Variants in PCDHA12 observed in about 807,000 individuals in gnomAD.
PCDHA12 encodes protocadherin alpha-12.
In PCDHA12, 44 loss-of-function variants were observed where a neutral mutation model predicts 60.0. That is an observed-to-expected ratio of 0.73 (90% CI 0.58 to 0.94). The LOEUF is 0.94. PCDHA12 is among the 40% of genes least tolerant of loss of function. The pLI, the probability that PCDHA12 is intolerant of heterozygous loss-of-function variation, is 0.00. For synonymous variants in PCDHA12, 569 were observed against 553.0 expected (o/e 1.03, Z -0.40); for missense variants, 1,276 against 1,239.7 (o/e 1.03, Z -0.44).
chr5:140,905,047 C>A (rs2071568223), intron 1 of PCDHA12, among the ~76,000 whole-genome samples: 1 of 152,076 alleles, frequency 6.6e-6, no homozygotes, highest in Non-Finnish European at 1.5e-5. Context: ...TTAATTAGGT[C>A]CCATTTATTT....
At chr5:140,943,277 AG>A (rs199866143) in intron 1 of PCDHA12, among the ~76,000 whole-genome samples, 16,429 of 127,604 alleles carry the variant, frequency 0.13, 1,638 homozygotes, top group African/African-American at 0.18. Flanking sequence ...AAAAAAAAAA[AG>A]AAAGAAAGAA....
chr5:140,938,485 T>C (rs2092087482), intron 1 of PCDHA12, among the ~76,000 whole-genome samples: 2 of 152,170 alleles, frequency 1.3e-5, no homozygotes, highest in African/African-American at 4.8e-5. Context: ...TTAAAAATCA[T>C]GAATAGGCAT....
intron 1 of PCDHA12, among the ~76,000 whole-genome samples, chr5:140,933,543 A>C (rs888580290): frequency 6.6e-6 from 1 of 152,092 alleles, no homozygotes; most frequent in Non-Finnish European, 1.5e-5. Flanking sequence ...AATAATGTTA[A>C]TATAAAATAA....
chr5:140,888,088 C>G (rs941828532), intron 1 of PCDHA12, among the ~76,000 whole-genome samples: 3 of 151,906 alleles, frequency 2.0e-5, no homozygotes, highest in African/African-American at 4.8e-5. Flanking sequence ...ACATTTTTGT[C>G]CTTAGTTTGC....
chr5:140,985,021 T>A (rs2097132867), intron 3 of PCDHA12, among the ~76,000 whole-genome samples: 1 of 151,956 alleles, frequency 6.6e-6, no homozygotes, highest in African/African-American at 2.4e-5. Flanking sequence ...CACAGCAACC[T>A]CTGCCTCCTG....
At chr5:140,907,915 C>T (rs1554193177) in intron 1 of PCDHA12, among the ~76,000 whole-genome samples, 1 of 152,234 alleles carries the variant, frequency 6.6e-6, no homozygotes, top group Admixed American at 6.5e-5. Context: ...TTTGACCACT[C>T]AGAGAGGTCC....
chr5:140,902,488 G>T (rs1357036471), intron 1 of PCDHA12, among the ~76,000 whole-genome samples: 2 of 152,096 alleles, frequency 1.3e-5, no homozygotes, highest in African/African-American at 4.8e-5. Context: ...TGCTCAGTAT[G>T]ATACTAGCTG....
At chr5:140,901,022 A>G (rs2068415143) in intron 1 of PCDHA12, among the ~76,000 whole-genome samples, 1 of 152,166 alleles carries the variant, frequency 6.6e-6, no homozygotes, top group Non-Finnish European at 1.5e-5. Flanking sequence ...AGAAACATCT[A>G]TTCAACTCTT....
chr5:140,898,506 G>A (rs1185053384), intron 1 of PCDHA12, among the ~76,000 whole-genome samples: 2 of 152,132 alleles, frequency 1.3e-5, no homozygotes, highest in Admixed American at 1.3e-4. Context: ...TTGTAGATAT[G>A]CGGCGTTATT....
chr5:140,945,346 A>C (rs2093775452), intron 1 of PCDHA12, among the ~76,000 whole-genome samples: 1 of 152,132 alleles, frequency 6.6e-6, no homozygotes, highest in South Asian at 2.1e-4. Context: ...AGCTTGGAAA[A>C]ATTAATACTG....
intron 1 of PCDHA12, among the ~76,000 whole-genome samples, chr5:140,956,131 C>A (rs2095258276): frequency 6.6e-6 from 1 of 152,096 alleles, no homozygotes; most frequent in African/African-American, 2.4e-5. Flanking sequence ...TATTTGAATA[C>A]CCTTTATTTC....
Position 140,946,631 on chromosome 5 carries a change from T to TATATATATATATATATATATATACAC in PCDHA12, c.2368-32317_2368-32316insTATATATATATATATATATATACACA, listed in dbSNP as rs57893927. Among the ~76,000 whole-genome samples, 213 of 131,752 alleles carry TATATATATATATATATATATATACAC rather than the reference T, an allele frequency of 1.6e-3. 5 individuals carry two copies. The highest frequency in any genetic ancestry group is 6.6e-3 in the African/African-American group (188 of 28,632). The allele number at this position is 131,752 out of a possible 152,430, so 86.4% of individuals were successfully genotyped here. A position where few individuals can be genotyped will look rare whatever the true frequency, so the allele number is the denominator to read the frequency against. Reference sequence around the variant, plus strand: ...TGTGAAATATATATATATATATATATACAATGGAATACTCATCAGCCATTA... The same window carrying TATATATATATATATATATATATACAC: ...TGTGAAATATATATATATATATATATATATATATATATATATATATATACACACAATGGAATACTCATCAGCCATTA... On this transcript the variant is annotated intron_variant, in intron 1 of 3. Transcript: ENST00000398631.
intron 3 of PCDHA12, among the ~76,000 whole-genome samples, chr5:140,997,797 C>A (rs2097786104): frequency 6.6e-6 from 1 of 151,944 alleles, no homozygotes; most frequent in Non-Finnish European, 1.5e-5. Context: ...TATAATTTAT[C>A]CAATTTGCTG....
chr5:140,889,434 G>T (rs1349291699), intron 1 of PCDHA12, among the ~76,000 whole-genome samples: 1 of 151,774 alleles, frequency 6.6e-6, no homozygotes, highest in African/African-American at 2.4e-5. Context: ...ATTTTTTCAG[G>T]TATTTTCCTG....
At chr5:140,896,148 G>A (rs1185038418) in intron 1 of PCDHA12, among the ~76,000 whole-genome samples, 1 of 152,162 alleles carries the variant, frequency 6.6e-6, no homozygotes, top group Non-Finnish European at 1.5e-5. Flanking sequence ...CACCATTGAT[G>A]GGCATTTAGG....
At chr5:140,912,061 C>T (rs1321149990) in intron 1 of PCDHA12, among the ~76,000 whole-genome samples, 2 of 152,162 alleles carry the variant, frequency 1.3e-5, no homozygotes, top group Non-Finnish European at 2.9e-5. Context: ...AACTTGGAGT[C>T]CAATGTTCAA....
chr5:140,899,171 A>G (rs1302003338), intron 1 of PCDHA12, among the ~76,000 whole-genome samples: 1 of 152,058 alleles, frequency 6.6e-6, no homozygotes, highest in Non-Finnish European at 1.5e-5. Context: ...TCCTAATTGA[A>G]TACCCTTTAT....
chr5:140,999,431 C>G (rs1554256799), intron 3 of PCDHA12, among the ~76,000 whole-genome samples: 1 of 152,134 alleles, frequency 6.6e-6, no homozygotes, highest in African/African-American at 2.4e-5. Context: ...GGCCAAGTAC[C>G]TTGCCTCTTA....
intron 3 of PCDHA12, among the ~76,000 whole-genome samples, chr5:141,001,247 A>G (rs547699044): frequency 1.3e-5 from 2 of 152,256 alleles, no homozygotes; most frequent in African/African-American, 2.4e-5. Flanking sequence ...AATCAACCCT[A>G]TGGGGCGGGC....
Sources: allele counts gnomAD v4.1 joint callset (sites outside exome capture counted in the v4.1 genomes callset), GRCh38; gene constraint gnomAD v4.1.1; transcripts MANE v1.5; gene names NCBI Gene and HGNC (gene_info 2026-07-23, HGNC 2026-07-21).